FAM13C: variants seen among roughly 807,000 people sequenced by gnomAD.
FAM13C encodes family with sequence similarity 13 member C.
A neutral mutation model predicts 73.2 loss-of-function variants in FAM13C; 37 were observed. The ratio of observed to expected loss-of-function variants is 0.51; its 90% CI spans 0.39 to 0.67. The LOEUF (loss-of-function observed/expected upper bound fraction) is 0.67. Ranked by LOEUF, FAM13C falls within the 30% of genes least tolerant of loss-of-function variation. FAM13C has a pLI of 0.00. For missense variants in FAM13C, 589 were observed against 715.6 expected (o/e 0.82, Z 2.02); for synonymous variants, 246 against 260.9 (o/e 0.94, Z 0.55).
At chr10:59,355,458 A>T (rs1013686125) in intron 2 of FAM13C, among the ~76,000 whole-genome samples, 1 of 152,188 alleles carries the variant, frequency 6.6e-6, no homozygotes, top group African/African-American at 2.4e-5. Context: ...AATAAAATGT[A>T]GATGAAAGGG....
intron 5 of FAM13C, among the ~76,000 whole-genome samples, chr10:59,284,197 T>C (rs997340664): frequency 3.3e-5 from 5 of 152,070 alleles, no homozygotes; most frequent in African/African-American, 9.7e-5. Context: ...CCACCCACTC[T>C]CTTCATTTCT....
intron 6 of FAM13C, among the ~76,000 whole-genome samples, chr10:59,273,635 C>T (rs1017443055): frequency 5.3e-5 from 8 of 152,024 alleles, no homozygotes; most frequent in Admixed American, 1.3e-4. Flanking sequence ...GGAAATGTTG[C>T]GTAACTAGGC....
At position 59,247,662 on chromosome 10, in the gene FAM13C, T is replaced by C. The variant is rs1465604031; in HGVS notation, c.1710A>G (p.Arg570=). The C allele has an allele frequency of 1.2e-6, 2 of 1,613,438 alleles. No homozygotes were observed. Among genetic ancestry groups the C allele is most frequent in the African/African-American group, 1.3e-5 (1 of 74,902 alleles). ...GCTTGCTGATGAGGACCTCTAATAG[T>C]CTCAGTTTGGCTTTTATGTGCTTAT... is the stretch of plus-strand genomic sequence containing the variant. ...YEYKHIKAKL[R]LLEVLISKQD... The change falls in exon 14 of 14, where the codon AGA becomes AGG. Residue 570 remains arginine, a synonymous_variant. Transcript: ENST00000618804.
intron 4 of FAM13C, among the ~76,000 whole-genome samples, chr10:59,317,495 A>G (rs993550982): frequency 6.6e-6 from 1 of 152,200 alleles, no homozygotes; most frequent in African/African-American, 2.4e-5. Flanking sequence ...TAATGATACC[A>G]AAGCTTGCAA....
chr10:59,324,963 A>G (rs535040585), intron 3 of FAM13C, among the ~76,000 whole-genome samples: 58 of 152,328 alleles, frequency 3.8e-4, no homozygotes, highest in African/African-American at 1.3e-3. Context: ...CAAAAATAAA[A>G]GATTTATATA....
chr10:59,300,532 G>A (rs1189398068), intron 5 of FAM13C, among the ~76,000 whole-genome samples: 2 of 152,102 alleles, frequency 1.3e-5, no homozygotes, highest in East Asian at 3.9e-4. Context: ...ATTTAGAGAT[G>A]GGAGGCATAC....
chr10:59,325,692 A>G (rs962060926), intron 3 of FAM13C, among the ~76,000 whole-genome samples: 2 of 152,136 alleles, frequency 1.3e-5, no homozygotes, highest in African/African-American at 2.4e-5. Context: ...TGAGAATAAT[A>G]CCATCAATTC....
At chr10:59,271,726 G>T (rs1253965124) in intron 6 of FAM13C, among the ~76,000 whole-genome samples, 1 of 152,184 alleles carries the variant, frequency 6.6e-6, no homozygotes, top group Non-Finnish European at 1.5e-5. Context: ...ACACCAGTAG[G>T]TGTATGGGTT....
At chr10:59,352,675 T>G (rs1855219158) in intron 2 of FAM13C, among the ~76,000 whole-genome samples, 1 of 152,236 alleles carries the variant, frequency 6.6e-6, no homozygotes, top group Non-Finnish European at 1.5e-5. Context: ...CCTTCCCTTC[T>G]GATCTTTGTT....
At chr10:59,264,209 A>T in intron 8 of FAM13C, 43 bp from the exon 9 acceptor site, 372 of 829,128 alleles carry the variant, frequency 4.5e-4, no homozygotes, top group Non-Finnish European at 6.5e-4. Context: ...GGAGGGAAGG[A>T]GGGAGAGGGT....
intron 5 of FAM13C, among the ~76,000 whole-genome samples, chr10:59,299,106 G>A (rs1182331461): frequency 6.6e-6 from 1 of 151,976 alleles, no homozygotes; most frequent in Non-Finnish European, 1.5e-5. Context: ...CTGAAATAGA[G>A]GATTTTAAAT....
chr10:59,280,420 C>T (rs1844797426), intron 6 of FAM13C, among the ~76,000 whole-genome samples: 1 of 152,220 alleles, frequency 6.6e-6, no homozygotes, highest in African/African-American at 2.4e-5. Flanking sequence ...ATGGAGCCAA[C>T]TGGCCACAGA....
chr10:59,264,128 C>G lies in FAM13C; in HGVS notation c.981G>C (p.Leu327=). The G allele has an allele frequency of 1.9e-6, 3 of 1,610,484 alleles. No homozygotes were observed. The highest frequency in any genetic ancestry group is 2.5e-6 in the Non-Finnish European group (3 of 1,179,212). The change falls in exon 9 of 14, where the codon CTG becomes CTC. Residue 327 remains leucine, a synonymous_variant. Transcript: ENST00000618804. The stretch of plus-strand genomic sequence containing the variant: ...CTTTAGCCAAATCATTCATCCATTT[C>G]AGGACTTCAGGATTAGAAGTCTTGT... The part of the protein sequence containing the change: ...HGDKTSNPEV[L]KWMNDLAKGR...
intron 6 of FAM13C, among the ~76,000 whole-genome samples, chr10:59,274,227 A>G (rs996969396): frequency 1.4e-5 from 2 of 148,060 alleles, no homozygotes; most frequent in African/African-American, 2.6e-5. Flanking sequence ...ACATGGATAC[A>G]TGATGGGTTC....
In FAM13C at chr10:59,330,446, G is replaced by A. The variant is rs556191186; in HGVS notation, c.325-6340C>T. On this transcript the variant is annotated intron_variant, in intron 3 of 13. Transcript: ENST00000618804. Reference sequence around the variant, plus strand: ...TAAAATCAATGGAGTATACACAAGAGTAAAAAAGAGAGTCATGAGGCATGC... The same window carrying A: ...TAAAATCAATGGAGTATACACAAGAATAAAAAAGAGAGTCATGAGGCATGC... 5.3e-5 allele frequency among the ~76,000 whole-genome samples: 8 copies of A among 152,252 alleles called. No individual in the cohort carries two copies. In the East Asian group the frequency reaches 1.4e-3, roughly 26 times the overall value.
At chr10:59,276,267 C>G (rs944503779) in intron 6 of FAM13C, among the ~76,000 whole-genome samples, 2 of 152,088 alleles carry the variant, frequency 1.3e-5, no homozygotes, top group African/African-American at 4.8e-5. Context: ...AATGTCATTT[C>G]CAATCCCTGG....
At chr10:59,302,894 T>C (rs749385982) in intron 4 of FAM13C, 30 bp from the exon 5 acceptor site, 1 of 1,603,002 alleles carries the variant, frequency 6.2e-7, no homozygotes, top group South Asian at 1.1e-5. Flanking sequence ...ATTATTTCCA[T>C]TTAAAAGAAA....
chr10:59,253,043 G>T, intron 11 of FAM13C, 45 bp from the exon 12 acceptor site: 1 of 1,594,456 alleles, frequency 6.3e-7, no homozygotes, highest in Non-Finnish European at 8.6e-7. Flanking sequence ...GTAATGCTCA[G>T]TGCCTCTTGA....
intron 5 of FAM13C, among the ~76,000 whole-genome samples, chr10:59,292,901 A>G (rs1846428021): frequency 6.6e-6 from 1 of 152,040 alleles, no homozygotes; most frequent in Non-Finnish European, 1.5e-5. Context: ...ATTATTGACG[A>G]GAGTCACACT....
Sources: allele counts gnomAD v4.1 joint callset (sites outside exome capture counted in the v4.1 genomes callset), GRCh38; gene constraint gnomAD v4.1.1; transcripts MANE v1.5; gene names NCBI Gene and HGNC (gene_info 2026-07-23, HGNC 2026-07-21).